Variants in EPB41L3 observed in about 807,000 individuals in gnomAD.
The protein encoded by EPB41L3 is erythrocyte membrane protein band 4.1 like 3, also known as band 4.1-like protein 3.
EPB41L3 carries 57 observed loss-of-function variants against 127.1 expected under a neutral mutation model. That is an observed-to-expected ratio of 0.45 (90% confidence interval 0.36 to 0.56). The LOEUF (loss-of-function observed/expected upper bound fraction) is 0.56, where lower values mean the gene tolerates loss of function less well. Among genes scored for constraint, EPB41L3 ranks in the 20% least tolerant of loss-of-function variants. The probability of loss-of-function intolerance (pLI) is 0.00; values close to 1 mark genes in which losing one functional copy is unlikely to be tolerated. For missense variants in EPB41L3, 1,273 were observed against 1,372.2 expected, an observed-to-expected ratio of 0.93 and a Z score of 1.14; for synonymous variants, 572 against 549.5, an observed-to-expected ratio of 1.04 and a Z score of -0.57.
At chr18:5,428,264 T>A (rs766871995) in intron 9 of EPB41L3, 49 bp downstream of exon 9, 15 of 1,604,676 alleles carry the variant, frequency 9.3e-6, no homozygotes, top group Non-Finnish European at 1.1e-5. Flanking sequence ...GCTTGCTTGC[T>A]ATCAGGGATC....
intron 3 of EPB41L3, among the ~76,000 whole-genome samples, chr18:5,579,662 T>A (rs2094372290): frequency 6.6e-6 from 1 of 152,194 alleles, no homozygotes; most frequent in African/African-American, 2.4e-5. Context: ...TGATGATGAG[T>A]GACCTTGTCT....
intron 1 of EPB41L3, among the ~76,000 whole-genome samples, chr18:5,506,054 C>T (rs1441351400): frequency 6.6e-6 from 1 of 151,890 alleles, no homozygotes; most frequent in African/African-American, 2.4e-5. Context: ...TCTGCCCCAG[C>T]CTACCCCGCC....
At chr18:5,534,537 T>C (rs1017399998) in intron 1 of EPB41L3, among the ~76,000 whole-genome samples, 3 of 152,232 alleles carry the variant, frequency 2.0e-5, no homozygotes. Context: ...CTGTGTCTCA[T>C]TCTTTGCAAA....
chr18:5,397,968 G>A lies in EPB41L3; in HGVS notation c.2472+53C>T, dbSNP rs2073862841. ...ACACTCACGCCCAAAAAAAGGGTAA[G>A]GAAAGGCACATGGGCACATTCAGAA... On this transcript the variant is annotated intron_variant, in intron 17 of 22. Coordinates refer to ENST00000341928, the MANE Select transcript of EPB41L3 (RefSeq NM_012307.5). This position sits in a 1 kb window ranked among gnomAD's most constrained non-coding sequence, Gnocchi z 4.1. 1 of 1,611,870 alleles carries A rather than the reference G, an allele frequency of 6.2e-7. No individual in the cohort carries two copies. Among genetic ancestry groups the A allele is most frequent in the East Asian group, 2.2e-5 (1 of 44,858 alleles).
chr18:5,544,090 CG>C (rs1181876371), upstream of EPB41L3: 4 of 985,480 alleles, frequency 4.1e-6, no homozygotes, highest in African/African-American at 3.5e-5. Flanking sequence ...GGAGCTGCGG[CG>C]GGGGCCCACG....
chr18:5,437,240 T>G (rs957850341), intron 6 of EPB41L3, among the ~76,000 whole-genome samples: 1 of 152,010 alleles, frequency 6.6e-6, no homozygotes, highest in South Asian at 2.1e-4. Flanking sequence ...TGAATGGGAT[T>G]AGTGCCCTTA....
chr18:5,495,566 A>T (rs2148416577), intron 1 of EPB41L3, among the ~76,000 whole-genome samples: 1 of 152,046 alleles, frequency 6.6e-6, no homozygotes, highest in Non-Finnish European at 1.5e-5. Flanking sequence ...GTCTGTGGGG[A>T]CAGAAAGGAT....
chr18:5,614,348 T>C (rs2094766390), intron 2 of EPB41L3: 1 of 152,180 alleles, frequency 6.6e-6, no homozygotes, highest in African/African-American at 2.4e-5. Context: ...GAATTGTACT[T>C]GCCTTTAAAA....
At chr18:5,581,116 T>G (rs1356198115) in intron 3 of EPB41L3, among the ~76,000 whole-genome samples, 1 of 152,196 alleles carries the variant, frequency 6.6e-6, no homozygotes, top group Non-Finnish European at 1.5e-5. Context: ...ATCCACCAAG[T>G]CTTTGTGGTG....
chr18:5,494,319 C>T (rs1267963215), intron 1 of EPB41L3, among the ~76,000 whole-genome samples: 1 of 152,110 alleles, frequency 6.6e-6, no homozygotes, highest in Non-Finnish European at 1.5e-5. Flanking sequence ...TAACTCCAAT[C>T]CACCTCACTC....
At chr18:5,398,194 C>T (rs2073905265) in intron 16 of EPB41L3, 51 bp from the exon 17 acceptor site, 7 of 1,605,106 alleles carry the variant, frequency 4.4e-6, no homozygotes, top group African/African-American at 4.0e-5. Context: ...GACACAAACT[C>T]AGGCACATAA....
At chr18:5,464,432 G>A (rs1338729559) in intron 3 of EPB41L3, among the ~76,000 whole-genome samples, 1 of 151,998 alleles carries the variant, frequency 6.6e-6, no homozygotes, top group Non-Finnish European at 1.5e-5. Context: ...TCAAAATCTG[G>A]CCCCTAAAAA....
chr18:5,476,492 C>G (rs2087250338), intron 3 of EPB41L3, among the ~76,000 whole-genome samples: 1 of 152,190 alleles, frequency 6.6e-6, no homozygotes, highest in Non-Finnish European at 1.5e-5. Flanking sequence ...TTCAACAATA[C>G]TTGTACCTCG....
intron 3 of EPB41L3, among the ~76,000 whole-genome samples, chr18:5,584,114 C>T (rs1162373782): frequency 6.6e-6 from 1 of 152,166 alleles, no homozygotes; most frequent in Non-Finnish European, 1.5e-5. Context: ...GAAAATAATT[C>T]TTAAATGCTT....
At chr18:5,568,428 A>AT (rs2094235621) in intron 3 of EPB41L3, among the ~76,000 whole-genome samples, 1 of 20,232 alleles carries the variant, frequency 4.9e-5, no homozygotes, top group South Asian at 1.1e-3. Flanking sequence ...TCTGGATAGT[A>AT]AAAAAAAAAA....
At chr18:5,528,447 A>T (rs1473436189) in intron 1 of EPB41L3, among the ~76,000 whole-genome samples, 1 of 152,106 alleles carries the variant, frequency 6.6e-6, no homozygotes, top group Admixed American at 6.5e-5. Flanking sequence ...AAGTGCTGGG[A>T]TTACAGACCC....
intron 3 of EPB41L3, among the ~76,000 whole-genome samples, chr18:5,577,163 T>C (rs2094344143): frequency 6.6e-6 from 1 of 152,194 alleles, no homozygotes; most frequent in South Asian, 2.1e-4. Flanking sequence ...AAGACATAAA[T>C]AACAAACATT....
chr18:5,566,875 G>A (rs1040085311), intron 3 of EPB41L3, among the ~76,000 whole-genome samples: 3 of 151,598 alleles, frequency 2.0e-5, no homozygotes, highest in South Asian at 2.1e-4. Flanking sequence ...TGGCGCCAAC[G>A]GCTCACTGCA....
chr18:5,488,953 G>C (rs771580411), intron 2 of EPB41L3, 48 bp downstream of exon 2: 4 of 1,525,996 alleles, frequency 2.6e-6, no homozygotes, highest in Non-Finnish European at 3.5e-6. Flanking sequence ...GCCGATCCTG[G>C]AGCAGCTCAG....
Sources: gnomAD v4.1 joint callset for allele counts (sites outside exome capture counted in the v4.1 genomes callset) on GRCh38, gnomAD v4.1.1 for gene constraint, Gnocchi (gnomAD v3.1) non-coding constraint, MANE v1.5 for transcripts, NCBI Gene and HGNC (gene_info 2026-07-23, HGNC 2026-07-21) for gene names.